PARD3: variants seen among roughly 807,000 people sequenced by gnomAD.
PARD3 encodes partitioning defective 3 homolog.
Under a neutral mutation model 155.4 loss-of-function variants are expected in PARD3, and 75 were observed. The observed-to-expected ratio is 0.48, with a 90% CI of 0.40 to 0.58. PARD3 has a LOEUF of 0.58. Among genes scored for constraint, PARD3 ranks in the 20% least tolerant of loss-of-function variants. PARD3 has a pLI of 0.00. For missense variants in PARD3, 1,642 were observed against 1,721.7 expected (o/e 0.95, Z 0.82); for synonymous variants, 576 against 610.5 (o/e 0.94, Z 0.83).
intron 2 of PARD3, among the ~76,000 whole-genome samples, chr10:34,643,154 G>A (rs1215904468): frequency 3.3e-5 from 5 of 152,216 alleles, no homozygotes; most frequent in African/African-American, 2.4e-5. Flanking sequence ...AATCGGCTGG[G>A]TCCTGCAGTC....
At chr10:34,579,211 A>C (rs2087172244) in intron 2 of PARD3, among the ~76,000 whole-genome samples, 1 of 151,806 alleles carries the variant, frequency 6.6e-6, no homozygotes, top group African/African-American at 2.4e-5. Flanking sequence ...CAGAGGTTGC[A>C]GTGAGCCAAG....
chr10:34,350,636 G>T (rs75016095), intron 14 of PARD3, among the ~76,000 whole-genome samples: 6 of 148,926 alleles, frequency 4.0e-5, no homozygotes, highest in Admixed American at 1.3e-4. Flanking sequence ...ATCTTGGCGG[G>T]GGGGGAGGGG....
rs530670602 is a variant in PARD3 at position 34,592,447 on chromosome 10, C to T, written c.223-75288G>A. Among the ~76,000 whole-genome samples, 5 of 152,278 alleles carry T rather than the reference C, an allele frequency of 3.3e-5. No individual in the cohort carries two copies. The South Asian group carries it at 1.0e-3, about 32-fold the overall frequency. ...ATCCTATTAGCATTCTATTGGAAGG[C>T]TCCATAGAGCACCCCATACAGAACA... On this transcript the variant is annotated intron_variant, in intron 2 of 24. Transcript: ENST00000374788.
intron 1 of PARD3, among the ~76,000 whole-genome samples, chr10:34,769,767 AAAACAAAC>A (rs59365440): frequency 5.0e-5 from 7 of 141,292 alleles, no homozygotes; most frequent in African/African-American, 1.6e-4. Context: ...TGTCTTTAAA[AAAACAAAC>A]AAACAAACAA....
At chr10:34,677,338 G>T (rs2093727983) in intron 2 of PARD3, among the ~76,000 whole-genome samples, 1 of 151,800 alleles carries the variant, frequency 6.6e-6, no homozygotes, top group Admixed American at 6.6e-5. Flanking sequence ...AAATTAACAG[G>T]GTGTAGTAGC....
intron 22 of PARD3, among the ~76,000 whole-genome samples, chr10:34,222,729 C>T (rs1472937523): frequency 6.6e-6 from 1 of 152,210 alleles, no homozygotes; most frequent in South Asian, 2.1e-4. Context: ...CTTTCCTGCT[C>T]TATCAGCCCT....
chr10:34,668,088 C>T (rs1043205572), intron 2 of PARD3, among the ~76,000 whole-genome samples: 1 of 152,110 alleles, frequency 6.6e-6, no homozygotes, highest in Non-Finnish European at 1.5e-5. Flanking sequence ...ATAAGCAAGA[C>T]AGTAACTACC....
At chr10:34,123,158 C>T in intron 23 of PARD3, among the ~76,000 whole-genome samples, 1 of 152,154 alleles carries the variant, frequency 6.6e-6, no homozygotes, top group East Asian at 1.9e-4. Context: ...AAAAACATGG[C>T]TGCCAGAGCC....
intron 1 of PARD3, among the ~76,000 whole-genome samples, chr10:34,728,773 T>A (rs1478675378): frequency 6.6e-6 from 1 of 152,232 alleles, no homozygotes; most frequent in Admixed American, 6.5e-5. Context: ...GGAGGTACAT[T>A]AGTTTTTTAA....
intron 22 of PARD3, among the ~76,000 whole-genome samples, chr10:34,249,522 T>C (rs180871407): frequency 3.9e-5 from 6 of 152,344 alleles, no homozygotes; most frequent in Admixed American, 6.5e-5. Flanking sequence ...TCTTTTCTCA[T>C]TGCCAGCATC....
At chr10:34,788,775 C>G (rs1379565687) in intron 1 of PARD3, among the ~76,000 whole-genome samples, 2 of 152,244 alleles carry the variant, frequency 1.3e-5, no homozygotes, top group East Asian at 3.9e-4. Context: ...AGACTGGAGA[C>G]TGCAGTCCTG....
intron 23 of PARD3, among the ~76,000 whole-genome samples, chr10:34,122,613 G>A (rs1164556813): frequency 2.6e-5 from 4 of 152,064 alleles, no homozygotes; most frequent in Non-Finnish European, 5.9e-5. Context: ...CTTGCAAAAG[G>A]GTGGGTTACT....
At chr10:34,645,041 T>G (rs1328828650) in intron 2 of PARD3, among the ~76,000 whole-genome samples, 1 of 152,102 alleles carries the variant, frequency 6.6e-6, no homozygotes, top group East Asian at 1.9e-4. Context: ...TTTGTAGTGA[T>G]GGGGTCTCAC....
chr10:34,309,413 G>A (rs1195025247), intron 20 of PARD3, among the ~76,000 whole-genome samples: 3 of 151,730 alleles, frequency 2.0e-5, no homozygotes, highest in Non-Finnish European at 4.4e-5. Context: ...TTAAAAAGTA[G>A]TAGGCACAGT....
intron 2 of PARD3, among the ~76,000 whole-genome samples, chr10:34,649,661 A>C (rs2092948332): frequency 6.6e-6 from 1 of 152,232 alleles, no homozygotes; most frequent in Admixed American, 6.5e-5. Context: ...ACACCACTGT[A>C]AACTTTAGAA....
chr10:34,339,989 T>C (rs1171019002), intron 16 of PARD3, among the ~76,000 whole-genome samples: 2 of 152,178 alleles, frequency 1.3e-5, no homozygotes. Context: ...TTTCATAGCA[T>C]TTTCATCAAG....
intron 1 of PARD3, among the ~76,000 whole-genome samples, chr10:34,723,259 T>C (rs962801344): frequency 6.6e-6 from 1 of 151,996 alleles, no homozygotes; most frequent in Non-Finnish European, 1.5e-5. Flanking sequence ...CAGGAGAACC[T>C]AGGAGGCCTG....
chr10:34,715,225 A>T (rs2094502904), intron 1 of PARD3, among the ~76,000 whole-genome samples: 1 of 151,890 alleles, frequency 6.6e-6, no homozygotes, highest in Non-Finnish European at 1.5e-5. Context: ...TTACAGGTAC[A>T]CACCACCACG....
At chr10:34,448,100 C>T (rs1211194171) in intron 5 of PARD3, among the ~76,000 whole-genome samples, 2 of 151,118 alleles carry the variant, frequency 1.3e-5, no homozygotes, top group African/African-American at 2.4e-5. Flanking sequence ...GACCTGCAAC[C>T]GATGAATGGA....
Sources: gnomAD v4.1 joint callset for allele counts (sites outside exome capture counted in the v4.1 genomes callset) on GRCh38, gnomAD v4.1.1 for gene constraint, MANE v1.5 for transcripts, NCBI Gene and HGNC (gene_info 2026-07-23, HGNC 2026-07-21) for gene names.